The following RGPD2 variants were observed in gnomAD, a reference collection of about 807,000 sequenced individuals.
RGPD2 encodes RANBP2 like and GRIP domain containing 2.
In RGPD2, 2 loss-of-function variants were observed where a neutral mutation model predicts 36.0. That is an observed-to-expected ratio of 0.06 (90% CI 0.02 to 0.17). The LOEUF is 0.17. Among genes scored for constraint, RGPD2 ranks in the 10% least tolerant of loss-of-function variants. RGPD2 has a pLI of 1.00. For missense variants in RGPD2, 40 were observed against 464.3 expected, an observed-to-expected ratio of 0.09 and a Z score of 8.40; for synonymous variants, 19 against 163.8, an observed-to-expected ratio of 0.12 and a Z score of 6.75.
upstream of RGPD2, chr2:87,826,090 A>G (rs571314661): frequency 2.1e-5 from 6 of 280,062 alleles, no homozygotes; most frequent in Non-Finnish European, 4.2e-5. Flanking sequence ...CCAATCTGCT[A>G]TACATAGGTT....
At chr2:87,989,148 C>T in the RGPD2 span, 3 of 549,578 alleles carry the variant, frequency 5.5e-6, no homozygotes, top group Non-Finnish European at 9.1e-6. Flanking sequence ...GTGATCCTAA[C>T]CATGGAGCCA....
At chr2:87,886,064 A>T in the RGPD2 span, among the ~76,000 whole-genome samples, 1 of 151,854 alleles carries the variant, frequency 6.6e-6, no homozygotes, top group South Asian at 2.1e-4. Flanking sequence ...TATTTAAAGA[A>T]CCACCACACC....
At chr2:87,871,722 G>A in the RGPD2 span, among the ~76,000 whole-genome samples, 6 of 151,594 alleles carry the variant, frequency 4.0e-5, no homozygotes, top group Admixed American at 2.0e-4. Flanking sequence ...AAAATTAGCC[G>A]GGCGTGGTGG....
chr2:87,937,448 C>T, the RGPD2 span, among the ~76,000 whole-genome samples: 11 of 151,850 alleles, frequency 7.2e-5, no homozygotes, highest in Non-Finnish European at 1.0e-4. Context: ...GCTGTAGGAG[C>T]GTGACACCAG....
chr2:87,883,275 T>C, the RGPD2 span, among the ~76,000 whole-genome samples: 1 of 151,558 alleles, frequency 6.6e-6, no homozygotes, highest in African/African-American at 2.4e-5. Context: ...ATGTTTCTTG[T>C]AAACCTCAGG....
At chr2:87,886,962 G>T in the RGPD2 span, among the ~76,000 whole-genome samples, 2 of 151,434 alleles carry the variant, frequency 1.3e-5, no homozygotes, top group Non-Finnish European at 3.0e-5. Context: ...TGATTGACCC[G>T]AGAGCTTGTG....
chr2:87,915,862 C>T, the RGPD2 span, among the ~76,000 whole-genome samples: 9 of 151,200 alleles, frequency 6.0e-5, no homozygotes, highest in South Asian at 1.9e-3. Context: ...ATACATAGCA[C>T]TAATCACAAT....
the RGPD2 span, among the ~76,000 whole-genome samples, chr2:87,967,542 T>G: frequency 6.7e-6 from 1 of 149,832 alleles, no homozygotes; most frequent in Non-Finnish European, 1.5e-5. Flanking sequence ...TTAAGAATTT[T>G]TAAATATATC....
In RGPD2 at chr2:87,825,523, G is replaced by GCC. The variant is rs1686732252; in HGVS notation, c.72+134_72+135insGG. The GCC allele has an allele frequency of 1.4e-5, 7 of 488,098 alleles. No homozygotes were observed. The African/African-American group carries it at 2.8e-4, about 20-fold the overall frequency. 30.2% of individuals were successfully genotyped at this position (488,098 alleles called of 1,614,324 possible). A position where few individuals can be genotyped will look rare whatever the true frequency, so the allele number is the denominator to read the frequency against. The stretch of plus-strand genomic sequence containing the variant: ...GAGGCCGAGGCCGAGGCCGCCGCCC[G>GCC]GCCGAGGCCGAGGCCGAGGCCGCCG... On this transcript the variant is annotated intron_variant, in intron 1 of 22. Transcript: ENST00000398146.
At chr2:87,894,230 A>G in the RGPD2 span, among the ~76,000 whole-genome samples, 18 of 152,058 alleles carry the variant, frequency 1.2e-4, no homozygotes, top group Non-Finnish European at 2.4e-4. Context: ...CTAACATGAC[A>G]TCATTCATCA....
rs768764544 is a variant in RGPD2 at position 87,825,706 on chromosome 2, C to G, written c.24G>C (p.Gly8=). MRRSKAY[G]ERYLASVQGS... is the part of the protein sequence containing the mutation. Reference sequence around the variant, plus strand: ...CCTGCACCGAGGCGAGGTACCGCTCCCCGTAGGCTTTGCTGCGCCTCATCG... The same window carrying G: ...CCTGCACCGAGGCGAGGTACCGCTCGCCGTAGGCTTTGCTGCGCCTCATCG... Residue 8 remains glycine, a synonymous_variant, in exon 1 of 23, where the codon GGG becomes GGC. Coordinates refer to ENST00000398146, the MANE Select transcript of RGPD2 (RefSeq NM_001078170.3). The G allele has an allele frequency of 3.1e-6, 5 of 1,602,786 alleles. No individual in the cohort carries two copies. In the Admixed American group the frequency reaches 8.4e-5, roughly 27 times the overall value.
At chr2:87,966,216 A>G in the RGPD2 span, among the ~76,000 whole-genome samples, 2 of 152,234 alleles carry the variant, frequency 1.3e-5, no homozygotes, top group African/African-American at 4.8e-5. Flanking sequence ...TGGTCTCCAG[A>G]GCTGTATATG....
the RGPD2 span, among the ~76,000 whole-genome samples, chr2:87,964,965 A>C: frequency 6.6e-6 from 1 of 152,068 alleles, no homozygotes; most frequent in Admixed American, 6.6e-5. Flanking sequence ...TTAATCCTTA[A>C]ACTAACTCCC....
At chr2:87,989,579 T>C in the RGPD2 span, 2 of 422,542 alleles carry the variant, frequency 4.7e-6, no homozygotes, top group Admixed American at 9.0e-5. Flanking sequence ...AATGACACAA[T>C]AGATTTTTTT....
chr2:87,824,470 A>ATAC (rs915130471), intron 1 of RGPD2, among the ~76,000 whole-genome samples: 1 of 151,974 alleles, frequency 6.6e-6, no homozygotes, highest in African/African-American at 2.4e-5. Context: ...CTGGGGGAGA[A>ATAC]TACTAACCTC....
the RGPD2 span, among the ~76,000 whole-genome samples, chr2:87,938,478 TAATC>T: frequency 8.3e-6 from 1 of 120,758 alleles, no homozygotes; most frequent in East Asian, 2.4e-4. Flanking sequence ...GGCCAAAAAT[TAATC>T]AAGTGAAAAA....
chr2:87,976,454 A>G, the RGPD2 span, among the ~76,000 whole-genome samples: 1 of 152,134 alleles, frequency 6.6e-6, no homozygotes, highest in East Asian at 1.9e-4. Flanking sequence ...AATGTAACAC[A>G]TTACAGTTCC....
chr2:87,896,937 C>T, the RGPD2 span, among the ~76,000 whole-genome samples: 3 of 151,230 alleles, frequency 2.0e-5, no homozygotes, highest in Non-Finnish European at 3.0e-5. Context: ...GAGTCGAAAG[C>T]CACTTAAGAA....
chr2:87,881,056 T>A, the RGPD2 span, among the ~76,000 whole-genome samples: 2 of 152,022 alleles, frequency 1.3e-5, no homozygotes, highest in Non-Finnish European at 2.9e-5. Flanking sequence ...GTTGAATACA[T>A]GTCATGCATC....
Sources: gnomAD v4.1 joint callset for allele counts (sites outside exome capture counted in the v4.1 genomes callset) on GRCh38, gnomAD v4.1.1 for gene constraint, MANE v1.5 for transcripts, NCBI Gene and HGNC (gene_info 2026-07-23, HGNC 2026-07-21) for gene names.